The following ARL15 variants were observed in gnomAD, a reference collection of about 807,000 sequenced individuals.
ARL15 encodes ADP-ribosylation factor-like protein 15.
ARL15 carries 19 observed loss-of-function variants against 25.2 expected under a neutral mutation model. The observed-to-expected ratio is 0.75, with a 90% CI of 0.53 to 1.10. The LOEUF (loss-of-function observed/expected upper bound fraction) is 1.10, where lower values mean the gene tolerates loss of function less well. Ranked by LOEUF, ARL15 falls within the 50% of genes least tolerant of loss-of-function variation. The pLI, the probability that ARL15 is intolerant of heterozygous loss-of-function variation, is 0.00. For synonymous variants in ARL15, 94 were observed against 86.8 expected, an observed-to-expected ratio of 1.08 and a Z score of -0.46; for missense variants, 220 against 246.0, an observed-to-expected ratio of 0.89 and a Z score of 0.71.
At chr5:53,927,003 T>G (rs1273017840) in intron 4 of ARL15, among the ~76,000 whole-genome samples, 1 of 152,160 alleles carries the variant, frequency 6.6e-6, no homozygotes, top group Non-Finnish European at 1.5e-5. Flanking sequence ...CTTCCTCCGT[T>G]TTAATTTTAT....
At chr5:53,914,841 C>T (rs1441642125) in intron 4 of ARL15, among the ~76,000 whole-genome samples, 3 of 151,964 alleles carry the variant, frequency 2.0e-5, no homozygotes, top group Admixed American at 1.3e-4. Context: ...GATGGAGTCT[C>T]GCTTCTTCGC....
chr5:54,133,289 C>G (rs1246228158), intron 3 of ARL15, among the ~76,000 whole-genome samples: 1 of 152,120 alleles, frequency 6.6e-6, no homozygotes, highest in African/African-American at 2.4e-5. Context: ...CATTAATCAT[C>G]AGAAATTGTC....
intron 4 of ARL15, among the ~76,000 whole-genome samples, chr5:53,956,012 G>C (rs1747137674): frequency 6.6e-6 from 1 of 151,946 alleles, no homozygotes; most frequent in African/African-American, 2.4e-5. Flanking sequence ...TCGTTGTTTT[G>C]AGAAAACAGG....
At position 53,884,681 on chromosome 5, in the gene ARL15, C is replaced by T. The variant is rs934588881; in HGVS notation, c.*1880G>A. 9.9e-5 allele frequency: 15 copies of T among 152,196 alleles called. No homozygotes were observed. Among genetic ancestry groups the T allele is most frequent in the African/African-American group, 3.6e-4 (15 of 41,476 alleles). 9.4% of individuals were successfully genotyped at this position (152,196 alleles called of 1,614,324 possible). ...ACTGGCGCACACATGAACACACACA[C>T]GCAGACCACGGGAAGTCATTTAACA... On this transcript the variant is annotated 3_prime_UTR_variant, in exon 5 of 5. Coordinates refer to ENST00000504924, the MANE Select transcript of ARL15 (RefSeq NM_019087.3).
At chr5:54,053,408 T>C (rs1750759550) in intron 4 of ARL15, among the ~76,000 whole-genome samples, 1 of 152,118 alleles carries the variant, frequency 6.6e-6, no homozygotes, top group Admixed American at 6.6e-5. Context: ...AGGTATTCTA[T>C]CCAAAAGAAA....
chr5:53,964,570 C>T (rs1011142942), intron 4 of ARL15, among the ~76,000 whole-genome samples: 3 of 152,126 alleles, frequency 2.0e-5, no homozygotes, highest in Non-Finnish European at 2.9e-5. Context: ...CCGTGTTAGC[C>T]AGGATGGTCT....
chr5:54,247,516 C>T lies in ARL15; in HGVS notation c.48+62916G>A, dbSNP rs114011646. ...AAACAAAAAACAAATGTCACTGTCC[C>T]ATTTCCTCTGCAAAGCCCTGTTTTC... On this transcript the variant is annotated intron_variant, in intron 1 of 4. Transcript: ENST00000504924. Among the ~76,000 whole-genome samples the T allele has an allele frequency of 6.0e-5, 9 of 151,110 alleles. No homozygotes were observed. The South Asian group carries it at 1.7e-3, about 28-fold the overall frequency.
intron 4 of ARL15, among the ~76,000 whole-genome samples, chr5:54,096,705 C>T (rs1752298903): frequency 1.3e-5 from 2 of 152,058 alleles, no homozygotes; most frequent in African/African-American, 2.4e-5. Flanking sequence ...CCACCGTGCC[C>T]GGCCTAATAA....
intron 4 of ARL15, among the ~76,000 whole-genome samples, chr5:53,967,493 G>C (rs1399763954): frequency 6.6e-6 from 1 of 152,174 alleles, no homozygotes; most frequent in Non-Finnish European, 1.5e-5. Context: ...ACTGGATATG[G>C]GAGGAGACAA....
At chr5:54,124,891 T>C (rs984179601) in intron 3 of ARL15, among the ~76,000 whole-genome samples, 1 of 152,092 alleles carries the variant, frequency 6.6e-6, no homozygotes, top group Non-Finnish European at 1.5e-5. Context: ...TGACCTCCAA[T>C]GATCCCCACT....
At chr5:54,031,713 C>T (rs1749990152) in intron 4 of ARL15, among the ~76,000 whole-genome samples, 1 of 152,076 alleles carries the variant, frequency 6.6e-6, no homozygotes, top group Non-Finnish European at 1.5e-5. Flanking sequence ...ACTTGACATG[C>T]TCTTGTCTTT....
intron 4 of ARL15, among the ~76,000 whole-genome samples, chr5:54,091,777 C>T (rs1277671358): frequency 6.9e-6 from 1 of 144,024 alleles, no homozygotes; most frequent in African/African-American, 2.6e-5. Flanking sequence ...GATGAGGAAA[C>T]ACAGAAAAAA....
chr5:54,047,669 A>G (rs950737992), intron 4 of ARL15, among the ~76,000 whole-genome samples: 7 of 152,208 alleles, frequency 4.6e-5, no homozygotes, highest in African/African-American at 1.7e-4. Context: ...GAACGGATGG[A>G]AAGACAACAG....
At chr5:54,135,281 A>C (rs1188263803) in intron 3 of ARL15, among the ~76,000 whole-genome samples, 2 of 152,220 alleles carry the variant, frequency 1.3e-5, no homozygotes, top group Non-Finnish European at 2.9e-5. Context: ...CATGAAAAGA[A>C]AAAGCAAACC....
At chr5:54,179,895 G>A (rs567729423) in intron 1 of ARL15, among the ~76,000 whole-genome samples, 13 of 151,898 alleles carry the variant, frequency 8.6e-5, no homozygotes, top group South Asian at 4.2e-4. Context: ...GTGTGTGCCC[G>A]TAGTCCCAGC....
chr5:54,129,415 T>C (rs980554252), intron 3 of ARL15, among the ~76,000 whole-genome samples: 2 of 152,028 alleles, frequency 1.3e-5, no homozygotes, highest in African/African-American at 2.4e-5. Flanking sequence ...ATGTGGGTGA[T>C]GGAAGAGAGA....
chr5:54,125,070 G>GTTTT (rs1753203668), intron 3 of ARL15, among the ~76,000 whole-genome samples: 1 of 135,948 alleles, frequency 7.4e-6, no homozygotes, highest in Non-Finnish European at 1.6e-5. Context: ...CAAGTTTTTT[G>GTTTT]TTTTGTTTTG....
chr5:54,084,512 T>C (rs1244984880), intron 4 of ARL15, among the ~76,000 whole-genome samples: 1 of 151,694 alleles, frequency 6.6e-6, no homozygotes, highest in African/African-American at 2.4e-5. Flanking sequence ...GAACAATCAC[T>C]CTGTCTACCC....
At chr5:53,951,225 C>G in intron 4 of ARL15, among the ~76,000 whole-genome samples, 1 of 152,134 alleles carries the variant, frequency 6.6e-6, no homozygotes, top group Non-Finnish European at 1.5e-5. Context: ...GCCTACAAAG[C>G]CTATATTTAC....
Sources: allele counts gnomAD v4.1 joint callset (sites outside exome capture counted in the v4.1 genomes callset), GRCh38; gene constraint gnomAD v4.1.1; transcripts MANE v1.5; gene names NCBI Gene and HGNC (gene_info 2026-07-23, HGNC 2026-07-21).